Variants in FBXO36 observed in about 807,000 individuals in gnomAD.
The protein encoded by FBXO36 is F-box protein 36, also known as F-box only protein 36.
A neutral mutation model predicts 17.0 loss-of-function variants in FBXO36; 18 were observed. The observed-to-expected ratio is 1.06, with a 90% confidence interval of 0.73 to 1.57. The LOEUF (loss-of-function observed/expected upper bound fraction) is 1.57, where lower values mean the gene tolerates loss of function less well. Ranked by LOEUF, FBXO36 falls within the 40% of genes most tolerant of loss-of-function variation. FBXO36 has a pLI of 0.00. For missense variants in FBXO36, 229 were observed against 221.9 expected (o/e 1.03, Z -0.20); for synonymous variants, 83 against 85.3 (o/e 0.97, Z 0.15).
Position 229,958,165 on chromosome 2 carries a change from A to T in FBXO36, c.97-18076A>T, listed in dbSNP as rs548081766. 2.1e-4 allele frequency among the ~76,000 whole-genome samples: 32 copies of T among 150,648 alleles called. No individual in the cohort carries two copies. In the East Asian group the frequency reaches 3.1e-3, roughly 15 times the overall value. On this transcript the variant is annotated intron_variant, in intron 1 of 3. Coordinates refer to ENST00000283946, the MANE Select transcript of FBXO36 (RefSeq NM_174899.5). ...AGATAACATTGTACTAATGCAAATTAAAAAAAAAATTTTTTTTAAAAACTT... is the reference window on the plus strand; with the variant it reads ...AGATAACATTGTACTAATGCAAATTTAAAAAAAAATTTTTTTTAAAAACTT...
rs5839351 is a variant in FBXO36 at position 230,011,598 on chromosome 2, C to CTTTTTTTTTTTTTTTTTTTTTTTTTTTTT, written c.*731_*732insTTTTTTTTTTTTTTTTTTTTTTTTTTTTT. 8.1e-6 allele frequency: 1 copy of CTTTTTTTTTTTTTTTTTTTTTTTTTTTTT among 123,440 alleles called. No homozygotes were observed. Among genetic ancestry groups the CTTTTTTTTTTTTTTTTTTTTTTTTTTTTT allele is most frequent in the African/African-American group, 3.1e-5 (1 of 32,180 alleles). The allele number at this position is 123,440 out of a possible 1,614,324, so 7.6% of individuals were successfully genotyped here. ...AACCTATAAACATTTCTTTTCTTTT[C>CTTTTTTTTTTTTTTTTTTTTTTTTTTTTT]TTTTTTTTTTTTTTTTTGTATTTTC... On this transcript the variant is annotated 3_prime_UTR_variant, in exon 4 of 4. Transcript: ENST00000283946.
At chr2:229,973,327 G>A (rs2077190708) in intron 1 of FBXO36, 1 of 151,994 alleles carries the variant, frequency 6.6e-6, no homozygotes, top group Non-Finnish European at 1.5e-5. Context: ...GTTCGCTTTG[G>A]CAGCACATAT....
intron 1 of FBXO36, among the ~76,000 whole-genome samples, chr2:229,970,231 T>C (rs2077173984): frequency 6.6e-6 from 1 of 152,106 alleles, no homozygotes; most frequent in South Asian, 2.1e-4. Context: ...ATAAAAACTT[T>C]ATTTGGGGCC....
chr2:229,999,118 A>C (rs1013281473), intron 3 of FBXO36, among the ~76,000 whole-genome samples: 4 of 135,848 alleles, frequency 2.9e-5, no homozygotes, highest in African/African-American at 1.1e-4. Flanking sequence ...AATTTTAAGT[A>C]ATGTAATTTT....
In FBXO36 at chr2:230,012,774, T is replaced by G. The variant is rs1388958937; in HGVS notation, c.*1890T>G. 1 of 151,786 alleles carries G rather than the reference T, an allele frequency of 6.6e-6. No homozygotes were observed. Among genetic ancestry groups the G allele is most frequent in the Admixed American group, 6.6e-5 (1 of 15,232 alleles). The allele number at this position is 151,786 out of a possible 1,614,324, so 9.4% of individuals were successfully genotyped here. A position where few individuals can be genotyped will look rare whatever the true frequency, so the allele number is the denominator to read the frequency against. ...CAACATAACTTCATAAATATGTAACTGTAACTTATTGGTAACATCAGTGCA... is the reference window on the plus strand; with the variant it reads ...CAACATAACTTCATAAATATGTAACGGTAACTTATTGGTAACATCAGTGCA... On this transcript the variant is annotated 3_prime_UTR_variant, in exon 4 of 4. Transcript: ENST00000283946.
At position 229,986,638 on chromosome 2, in the gene FBXO36, G is replaced by A. The variant is rs565218862; in HGVS notation, c.206-10113G>A. ...CAGCCTCTGCCTCCTGGGTTCAAGC[G>A]ATTCTCCTGCCTCAGCCTCCCGAGT... On this transcript the variant is annotated intron_variant, in intron 2 of 3. Transcript: ENST00000283946. 2.4e-4 allele frequency among the ~76,000 whole-genome samples: 36 copies of A among 150,696 alleles called. 1 individual carries two copies. The highest frequency in any genetic ancestry group is 6.8e-4 in the African/African-American group (28 of 41,052).
chr2:229,960,573 C>T (rs1355476926), intron 1 of FBXO36, among the ~76,000 whole-genome samples: 3 of 152,146 alleles, frequency 2.0e-5, no homozygotes, highest in African/African-American at 7.2e-5. Context: ...TCACTGCAGC[C>T]TCGAACACCT....
At chr2:229,991,215 C>T (rs925924547) in intron 2 of FBXO36, among the ~76,000 whole-genome samples, 1 of 152,322 alleles carries the variant, frequency 6.6e-6, no homozygotes, top group African/African-American at 2.4e-5. Flanking sequence ...GGATTACAGG[C>T]ATGAGCTACT....
intron 1 of FBXO36, among the ~76,000 whole-genome samples, chr2:229,966,251 T>C (rs1376440934): frequency 6.6e-6 from 1 of 152,198 alleles, no homozygotes; most frequent in Non-Finnish European, 1.5e-5. Context: ...GTAAATTTGT[T>C]TGAATTCTTT....
At chr2:229,927,032 GTA>G (rs2106151282) in intron 1 of FBXO36, among the ~76,000 whole-genome samples, 1 of 152,004 alleles carries the variant, frequency 6.6e-6, no homozygotes, top group African/African-American at 2.4e-5. Context: ...GCTAATTTTT[GTA>G]TTTTTAGTAG....
At chr2:229,956,042 C>A (rs2077085490) in intron 1 of FBXO36, among the ~76,000 whole-genome samples, 1 of 152,212 alleles carries the variant, frequency 6.6e-6, no homozygotes, top group East Asian at 1.9e-4. Context: ...AAATGGGATT[C>A]AGTCCAAAGC....
chr2:229,950,899 G>C (rs549818911), intron 1 of FBXO36, among the ~76,000 whole-genome samples: 1 of 151,994 alleles, frequency 6.6e-6, no homozygotes, highest in South Asian at 2.1e-4. Flanking sequence ...TGGGATTACA[G>C]GCATGCGCCA....
In FBXO36 at chr2:230,012,891, TAAG is replaced by T. The variant is rs1451357431; in HGVS notation, c.*2010_*2012del. On this transcript the variant is annotated 3_prime_UTR_variant, in exon 4 of 4. Transcript: ENST00000283946. ...CAATAGTTGATTCAGCTTCAATCAA[TAAG>T]AACATAAATATGGCAATTTGAAAAC... 1 of 151,570 alleles carries T rather than the reference TAAG, an allele frequency of 6.6e-6. No homozygotes were observed. The highest frequency in any genetic ancestry group is 6.6e-5 in the Admixed American group (1 of 15,220). The allele number at this position is 151,570 out of a possible 1,614,324, so 9.4% of individuals were successfully genotyped here.
intron 2 of FBXO36, among the ~76,000 whole-genome samples, chr2:229,980,585 C>A (rs1388364649): frequency 2.0e-5 from 3 of 151,924 alleles, no homozygotes; most frequent in African/African-American, 7.3e-5. Context: ...ACCTTCCAAG[C>A]CCTGCCCTTG....
chr2:229,978,907 T>C (rs1459922691), intron 2 of FBXO36, among the ~76,000 whole-genome samples: 1 of 152,174 alleles, frequency 6.6e-6, no homozygotes, highest in African/African-American at 2.4e-5. Context: ...CCGAGCACAG[T>C]GGCTCATGCC....
intron 1 of FBXO36, among the ~76,000 whole-genome samples, chr2:229,931,410 C>G (rs116676499): frequency 8.5e-5 from 13 of 152,158 alleles, no homozygotes; most frequent in Non-Finnish European, 1.9e-4. Context: ...CACTGAGTCA[C>G]GGATCCTTTC....
chr2:229,971,817 G>A (rs536629703), intron 1 of FBXO36, among the ~76,000 whole-genome samples: 1 of 151,124 alleles, frequency 6.6e-6, no homozygotes, highest in African/African-American at 2.4e-5. Context: ...GCACAGACAC[G>A]CACCACCAAC....
intron 1 of FBXO36, among the ~76,000 whole-genome samples, chr2:229,926,387 C>T (rs1277931021): frequency 2.7e-5 from 4 of 150,466 alleles, no homozygotes; most frequent in Admixed American, 1.3e-4. Context: ...GCTGAGATCA[C>T]ACCACTGCTC....
intron 2 of FBXO36, among the ~76,000 whole-genome samples, chr2:229,984,474 C>CTCCA (rs2077257429): frequency 2.2e-3 from 1 of 460 alleles, no homozygotes; most frequent in Non-Finnish European, 4.6e-3. Flanking sequence ...CACTGCAACG[C>CTCCA]CGCTCCCGGG....
Sources: gnomAD v4.1 joint callset for allele counts (sites outside exome capture counted in the v4.1 genomes callset) on GRCh38, gnomAD v4.1.1 for gene constraint, MANE v1.5 for transcripts, NCBI Gene and HGNC (gene_info 2026-07-23, HGNC 2026-07-21) for gene names.